The following MMP26 variants were observed in gnomAD, a reference collection of about 807,000 sequenced individuals.
MMP26 encodes the protein matrix metalloproteinase-26.
MMP26 carries 33 observed loss-of-function variants against 31.0 expected under a neutral mutation model. The ratio of observed to expected loss-of-function variants is 1.06; its 90% CI spans 0.81 to 1.42. MMP26 has a LOEUF of 1.42. Ranked by LOEUF, MMP26 falls within the 40% of genes most tolerant of loss-of-function variation. MMP26 has a pLI of 0.00. For missense variants in MMP26, 347 were observed against 316.1 expected (o/e 1.10, Z -0.74); for synonymous variants, 122 against 114.9 (o/e 1.06, Z -0.40).
At chr11:4,911,249 C>T (rs541450377) in intron 2 of MMP26, among the ~76,000 whole-genome samples, 1 of 152,228 alleles carries the variant, frequency 6.6e-6, no homozygotes, top group Admixed American at 6.5e-5. Flanking sequence ...TGTTATCTCT[C>T]AGCTTTTTCT....
intron 2 of MMP26, among the ~76,000 whole-genome samples, chr11:4,829,710 G>A (rs974557082): frequency 1.3e-5 from 2 of 152,100 alleles, no homozygotes; most frequent in Non-Finnish European, 2.9e-5. Flanking sequence ...TAGAGACCTT[G>A]TTACTTACCT....
At chr11:4,742,331 A>G (rs1167685279) in intron 1 of MMP26, among the ~76,000 whole-genome samples, 1 of 152,184 alleles carries the variant, frequency 6.6e-6, no homozygotes, top group Non-Finnish European at 1.5e-5. Context: ...GACAGCACAT[A>G]AAGAGGGAAA....
At chr11:4,965,263 G>A (rs1389787722) in intron 2 of MMP26, among the ~76,000 whole-genome samples, 1 of 152,136 alleles carries the variant, frequency 6.6e-6, no homozygotes, top group African/African-American at 2.4e-5. Flanking sequence ...GAAGTGCTAA[G>A]AAAGATCACA....
chr11:4,981,391 C>A (rs1381200108), intron 2 of MMP26, among the ~76,000 whole-genome samples: 2 of 152,036 alleles, frequency 1.3e-5, no homozygotes, highest in Admixed American at 1.3e-4. Context: ...AGGTTACAAA[C>A]CCATGCAGCA....
chr11:4,832,250 G>A (rs1316261219), intron 2 of MMP26: 3 of 185,140 alleles, frequency 1.6e-5, no homozygotes, highest in East Asian at 2.7e-4. Context: ...GTACCTCATG[G>A]CCATCCTGGG....
At chr11:4,864,526 C>T (rs1323762429) in intron 2 of MMP26, among the ~76,000 whole-genome samples, 1 of 152,124 alleles carries the variant, frequency 6.6e-6, no homozygotes, top group African/African-American at 2.4e-5. Context: ...GAAGGTTATT[C>T]ATTTATTTTT....
chr11:4,723,404 C>T (rs779863873), intron 1 of MMP26: 4 of 966,792 alleles, frequency 4.1e-6, no homozygotes, highest in South Asian at 3.9e-5. Flanking sequence ...TTGACCTCAG[C>T]GATAGTGTTG....
intron 2 of MMP26, chr11:4,912,992 C>T (rs1360597670): frequency 6.6e-6 from 1 of 151,994 alleles, no homozygotes; most frequent in Non-Finnish European, 1.5e-5. Flanking sequence ...CTATAACTCA[C>T]AAGTCAGCCT....
chr11:4,753,441 T>A (rs10836575), intron 1 of MMP26, among the ~76,000 whole-genome samples: 10,214 of 152,074 alleles, frequency 0.067, 629 homozygotes, highest in African/African-American at 0.16. Context: ...TCTTGTACTC[T>A]CATCATTTTG....
chr11:4,899,245 G>A, intron 2 of MMP26, among the ~76,000 whole-genome samples: 1 of 152,186 alleles, frequency 6.6e-6, no homozygotes, highest in Admixed American at 6.5e-5. Flanking sequence ...ATTTATTGCA[G>A]TCTACTCTTG....
intron 2 of MMP26, among the ~76,000 whole-genome samples, chr11:4,878,291 G>A (rs1850412090): frequency 6.6e-6 from 1 of 152,088 alleles, no homozygotes; most frequent in Admixed American, 6.6e-5. Context: ...TATCCGGACT[G>A]CTTAGTCCAT....
intron 1 of MMP26, among the ~76,000 whole-genome samples, chr11:4,705,700 C>T (rs992692303): frequency 1.3e-5 from 2 of 152,078 alleles, no homozygotes; most frequent in Non-Finnish European, 2.9e-5. Context: ...TTTTAAAAAG[C>T]TATTATTGGC....
chr11:4,946,003 G>C, intron 2 of MMP26: 2 of 717,196 alleles, frequency 2.8e-6, no homozygotes, highest in South Asian at 1.9e-5. Flanking sequence ...CCTGTTTATA[G>C]TTCTATTCTC....
intron 2 of MMP26, among the ~76,000 whole-genome samples, chr11:4,777,311 T>C (rs1848802445): frequency 6.6e-6 from 1 of 152,190 alleles, no homozygotes; most frequent in South Asian, 2.1e-4. Context: ...TTAAACTTTA[T>C]ATAGATAATG....
chr11:4,780,347 A>G (rs1433913), intron 2 of MMP26, among the ~76,000 whole-genome samples: 14,437 of 152,188 alleles, frequency 0.095, 861 homozygotes, highest in Middle Eastern at 0.15. Context: ...ACTAACACTT[A>G]GTATTGTCTC....
At chr11:4,900,072 C>T (rs1049473636) in intron 2 of MMP26, among the ~76,000 whole-genome samples, 8 of 152,138 alleles carry the variant, frequency 5.3e-5, no homozygotes, top group Non-Finnish European at 1.0e-4. Context: ...TCACTAATGT[C>T]GTCTCTAAGG....
At chr11:4,868,737 C>G (rs187802754) in intron 2 of MMP26, among the ~76,000 whole-genome samples, 1 of 152,102 alleles carries the variant, frequency 6.6e-6, no homozygotes, top group Admixed American at 6.5e-5. Flanking sequence ...CATATGGAAC[C>G]AAAAAAGAGC....
chr11:4,721,280 C>T (rs1273226956), intron 1 of MMP26, among the ~76,000 whole-genome samples: 1 of 152,200 alleles, frequency 6.6e-6, no homozygotes, highest in Non-Finnish European at 1.5e-5. Context: ...CTGTTAATAA[C>T]AGCAGTAACT....
At chr11:4,707,741 A>G (rs185453263) in intron 1 of MMP26, among the ~76,000 whole-genome samples, 1 of 152,344 alleles carries the variant, frequency 6.6e-6, no homozygotes, top group African/African-American at 2.4e-5. Context: ...AATCACACAT[A>G]TGTGGAAATA....
Sources: allele counts gnomAD v4.1 joint callset (sites outside exome capture counted in the v4.1 genomes callset), GRCh38; gene constraint gnomAD v4.1.1; transcripts MANE v1.5; gene names NCBI Gene and HGNC (gene_info 2026-07-23, HGNC 2026-07-21).